ANO6: variants seen among roughly 807,000 people sequenced by gnomAD.
ANO6 encodes anoctamin-6.
A neutral mutation model predicts 117.5 loss-of-function variants in ANO6; 106 were observed. The ratio of observed to expected loss-of-function variants is 0.90; its 90% confidence interval spans 0.77 to 1.06. ANO6 has a LOEUF of 1.06. Among genes scored for constraint, ANO6 ranks in the 50% least tolerant of loss-of-function variants. ANO6 has a pLI of 0.00. For synonymous variants in ANO6, 367 were observed against 385.1 expected, an observed-to-expected ratio of 0.95 and a Z score of 0.55; for missense variants, 955 against 1,121.1, an observed-to-expected ratio of 0.85 and a Z score of 2.12.
At chr12:45,380,129 TAATC>T (rs1423751025) in intron 10 of ANO6, among the ~76,000 whole-genome samples, 1 of 151,976 alleles carries the variant, frequency 6.6e-6, no homozygotes, top group East Asian at 1.9e-4. Flanking sequence ...AAACCTTTTG[TAATC>T]AATATAATAT....
chr12:45,316,508 A>G (rs1336832444), intron 2 of ANO6, among the ~76,000 whole-genome samples: 1 of 152,090 alleles, frequency 6.6e-6, no homozygotes, highest in African/African-American at 2.4e-5. Context: ...ACAATTTAAA[A>G]TGTTAATAGA....
At chr12:45,348,427 T>C (rs1346645693) in intron 5 of ANO6, 91 bp from the exon 6 acceptor site, 17 of 1,557,146 alleles carry the variant, frequency 1.1e-5, no homozygotes, top group Admixed American at 1.7e-5. Flanking sequence ...AAAAGAAATA[T>C]GCCAGCAGAT....
chr12:45,326,210 A>G (rs1940456526), intron 2 of ANO6, among the ~76,000 whole-genome samples: 1 of 152,196 alleles, frequency 6.6e-6, no homozygotes, highest in South Asian at 2.1e-4. Flanking sequence ...ATATGTGAAC[A>G]TTCCCTTGCA....
chr12:45,380,651 AAG>A (rs1942145757), intron 10 of ANO6, among the ~76,000 whole-genome samples: 1 of 152,172 alleles, frequency 6.6e-6, no homozygotes, highest in Non-Finnish European at 1.5e-5. Flanking sequence ...CCCTAGCTGC[AAG>A]AGAGTTTCTA....
intron 2 of ANO6, among the ~76,000 whole-genome samples, chr12:45,317,113 G>GTGTGTGTCTATATATATA: frequency 1.5e-5 from 1 of 66,448 alleles, no homozygotes; most frequent in Non-Finnish European, 3.7e-5. Context: ...CTTTTTATAT[G>GTGTGTGTCTATATATATA]TATATATATA....
chr12:45,433,452 G>A (rs1264505688), downstream of ANO6, among the ~76,000 whole-genome samples: 1 of 152,172 alleles, frequency 6.6e-6, no homozygotes, highest in African/African-American at 2.4e-5. Flanking sequence ...ATCATACTGG[G>A]GTTGGTCAGG....
intron 2 of ANO6, among the ~76,000 whole-genome samples, chr12:45,321,419 T>C (rs1012999795): frequency 8.5e-5 from 13 of 152,164 alleles, no homozygotes; most frequent in African/African-American, 3.1e-4. Flanking sequence ...ATTCACTAAG[T>C]TAAGTAGATT....
chr12:45,224,144 A>G (rs1947446044), intron 1 of ANO6, among the ~76,000 whole-genome samples: 1 of 152,176 alleles, frequency 6.6e-6, no homozygotes, highest in African/African-American at 2.4e-5. Flanking sequence ...GATCTGTACC[A>G]GGTTCAGTGG....
At chr12:45,288,560 A>G (rs1335289217) in intron 1 of ANO6, among the ~76,000 whole-genome samples, 3 of 152,218 alleles carry the variant, frequency 2.0e-5, no homozygotes, top group East Asian at 3.9e-4. Context: ...ATGTTGTAGT[A>G]TATGTTTGAA....
chr12:45,272,961 A>T (rs542350078), intron 1 of ANO6, among the ~76,000 whole-genome samples: 2 of 152,212 alleles, frequency 1.3e-5, no homozygotes, highest in South Asian at 4.1e-4. Context: ...ATACAGTGGA[A>T]TGTTATTCAG....
intron 15 of ANO6, among the ~76,000 whole-genome samples, chr12:45,407,986 C>T (rs781661593): frequency 1.3e-5 from 2 of 152,092 alleles, no homozygotes; most frequent in African/African-American, 2.4e-5. Flanking sequence ...AGGTCAGAGA[C>T]GTCTCCTGTA....
intron 2 of ANO6, among the ~76,000 whole-genome samples, chr12:45,326,756 C>A (rs571475682): frequency 1.0e-3 from 156 of 152,334 alleles, no homozygotes; most frequent in African/African-American, 3.7e-3. Flanking sequence ...CTCCCAGCAG[C>A]TGCTGCCCCT....
At chr12:45,230,357 T>A (rs2137139010) in intron 1 of ANO6, among the ~76,000 whole-genome samples, 1 of 151,798 alleles carries the variant, frequency 6.6e-6, no homozygotes, top group South Asian at 2.1e-4. Context: ...GGTTTCCATA[T>A]CAGAAAAATG....
intron 1 of ANO6, among the ~76,000 whole-genome samples, chr12:45,239,283 C>T (rs958432124): frequency 6.6e-6 from 1 of 152,126 alleles, no homozygotes; most frequent in Non-Finnish European, 1.5e-5. Flanking sequence ...TTGTATGTGT[C>T]CAGGAATTTA....
chr12:45,380,833 G>C (rs890039788), intron 10 of ANO6, among the ~76,000 whole-genome samples: 1 of 152,122 alleles, frequency 6.6e-6, no homozygotes, highest in Admixed American at 6.5e-5. Context: ...TTAGCCAGGT[G>C]TGATGGTGCA....
chr12:45,393,663 G>A (rs559357704), intron 12 of ANO6, among the ~76,000 whole-genome samples: 4 of 152,136 alleles, frequency 2.6e-5, no homozygotes, highest in East Asian at 1.9e-4. Context: ...GAAACCCTAC[G>A]AGCCAGAAGA....
At chr12:45,222,554 G>A (rs1947420284) in intron 1 of ANO6, among the ~76,000 whole-genome samples, 1 of 152,082 alleles carries the variant, frequency 6.6e-6, no homozygotes. Flanking sequence ...CATGGTTCCT[G>A]GCTTATAACT....
intron 3 of ANO6, among the ~76,000 whole-genome samples, chr12:45,339,731 C>G (rs1592986451): frequency 1.3e-5 from 2 of 152,168 alleles, no homozygotes; most frequent in East Asian, 3.9e-4. Context: ...TTCGGGAGAA[C>G]TAATAAATAG....
intron 1 of ANO6, among the ~76,000 whole-genome samples, chr12:45,233,032 G>A (rs903949848): frequency 2.0e-5 from 3 of 152,092 alleles, no homozygotes; most frequent in African/African-American, 7.2e-5. Flanking sequence ...GAAGCCAACG[G>A]GCCTCTGGAT....
Sources: gnomAD v4.1 joint callset for allele counts (sites outside exome capture counted in the v4.1 genomes callset) on GRCh38, gnomAD v4.1.1 for gene constraint, MANE v1.5 for transcripts, NCBI Gene and HGNC (gene_info 2026-07-23, HGNC 2026-07-21) for gene names.